The following ERF variants were observed in gnomAD, a reference collection of about 807,000 sequenced individuals.
ERF encodes the protein ETS2 repressor factor.
ERF carries 10 observed loss-of-function variants against 41.6 expected under a neutral mutation model. The ratio of observed to expected loss-of-function variants is 0.24; its 90% CI spans 0.15 to 0.41. The LOEUF (loss-of-function observed/expected upper bound fraction) is 0.41, where lower values mean the gene tolerates loss of function less well. Among genes scored for constraint, ERF ranks in the 10% least tolerant of loss-of-function variants. ERF has a pLI of 1.00. For missense variants in ERF, 621 were observed against 763.2 expected, an observed-to-expected ratio of 0.81 and a Z score of 2.19; for synonymous variants, 395 against 342.4, an observed-to-expected ratio of 1.15 and a Z score of -1.70.
rs746757331 is a variant in ERF, at chr19:42,250,411, G to A, written c.177C>T (p.Asp59=). Reference sequence around the variant, plus strand: ...CCCACAGCCGGGCCACCTCATCAGGGTCTTTGATGACGAATTCCCCGTAGT... The same window carrying A: ...CCCACAGCCGGGCCACCTCATCAGGATCTTTGATGACGAATTCCCCGTAGT... The part of the protein sequence containing the change: ...QGDYGEFVIK[D]PDEVARLWGV... Residue 59 remains aspartate (D), a synonymous_variant, in exon 2 of 4, where the codon GAC becomes GAT. Coordinates refer to ENST00000222329, the MANE Select transcript of ERF (RefSeq NM_006494.4). The surrounding 1 kb of genome is among the most constrained non-coding windows in gnomAD (Gnocchi z 5.1). 13 of 1,613,672 alleles carry A rather than the reference G, an allele frequency of 8.1e-6. No individual in the cohort carries two copies. The highest frequency in any genetic ancestry group is 1.1e-5 in the Non-Finnish European group (13 of 1,180,048).
chr19:42,249,249 G>A lies in ERF; in HGVS notation c.863C>T (p.Pro288Leu). 1.2e-6 allele frequency: 2 copies of A among 1,612,708 alleles called. No individual in the cohort carries two copies. The highest frequency in any genetic ancestry group is 1.1e-5 in the South Asian group (1 of 90,968). ...TPSPTLSPMY[P>L]SGGGGPSGSG... ...GCCGCTGGGCCCCCCGCCACCACTGGGGTACATCGGGCTCAGCGTGGGCGA... is the reference window on the plus strand; with the variant it reads ...GCCGCTGGGCCCCCCGCCACCACTGAGGTACATCGGGCTCAGCGTGGGCGA... Residue 288 changes from proline to leucine, a missense_variant, in exon 4 of 4, where the codon CCC (proline) becomes CTC (leucine). This residue lies in a region of ERF where 569 missense variants were observed against 625.5 expected (regional missense o/e 0.91). Transcript: ENST00000222329. This position sits in a 1 kb window ranked among gnomAD's most constrained non-coding sequence, Gnocchi z 8.6.
rs2036425520 is a variant in ERF, at chr19:42,250,429, C to T, written c.159G>A (p.Gly53=). 1 of 1,613,704 alleles carries T rather than the reference C, an allele frequency of 6.2e-7. No homozygotes were observed. The highest frequency in any genetic ancestry group is 8.5e-7 in the Non-Finnish European group (1 of 1,180,042). The change falls in exon 2 of 4, where the codon GGG becomes GGA. Residue 53 remains glycine (G), a synonymous_variant. Coordinates refer to ENST00000222329, the MANE Select transcript of ERF (RefSeq NM_006494.4). This position sits in a 1 kb window ranked among gnomAD's most constrained non-coding sequence, Gnocchi z 5.1. ...QGVIAWQGDY[G]EFVIKDPDEV... ...CATCAGGGTCTTTGATGACGAATTCCCCGTAGTCCCCCTGCCAGGCAATGA... is the reference window on the plus strand; with the variant it reads ...CATCAGGGTCTTTGATGACGAATTCTCCGTAGTCCCCCTGCCAGGCAATGA...
At position 42,248,926 on chromosome 19, in the gene ERF, C is replaced by G; in HGVS notation, c.1186G>C (p.Val396Leu). Residue 396 changes from valine to leucine, a missense_variant, in exon 4 of 4, where the codon GTA (valine) becomes CTA (leucine). Physicochemically the swap from Val to Leu is conservative, Grantham distance 32 (BLOSUM62 1). Coordinates refer to ENST00000222329, the MANE Select transcript of ERF (RefSeq NM_006494.4). This position sits in a 1 kb window ranked among gnomAD's most constrained non-coding sequence, Gnocchi z 4.2. ...RRQRAAGEKA[V>L]AGADKSGGSA... ...CCACCGCTCTTGTCAGCACCGGCTA[C>G]GGCCTTCTCCCCAGCTGCCCGCTGC... is the stretch of plus-strand genomic sequence containing the variant. 1.2e-6 allele frequency: 2 copies of G among 1,606,850 alleles called. No homozygotes were observed. Among genetic ancestry groups the G allele is most frequent in the Non-Finnish European group, 1.7e-6 (2 of 1,179,676 alleles).
intron 1 of ERF, 26 bp downstream of exon 1, chr19:42,254,952 C>T (rs2036509041): frequency 1.3e-6 from 2 of 1,512,442 alleles, no homozygotes; most frequent in Non-Finnish European, 1.8e-6. Flanking sequence ...ACAAGTCTCC[C>T]CCACACGTGC....
chr19:42,252,584 A>C lies in ERF; in HGVS notation c.23-2019T>G, dbSNP rs370244646. On this transcript the variant is annotated intron_variant, in intron 1 of 3. Coordinates refer to ENST00000222329, the MANE Select transcript of ERF (RefSeq NM_006494.4). ...GGGAGCTGTCCCAGGCCCCCTTGTTAAACCCCTTCCCTGAGCAACCCCTCC... is the reference window on the plus strand; with the variant it reads ...GGGAGCTGTCCCAGGCCCCCTTGTTCAACCCCTTCCCTGAGCAACCCCTCC... Among the ~76,000 whole-genome samples the C allele has an allele frequency of 5.3e-5, 8 of 152,238 alleles. 1 individual carries two copies. The highest frequency in any genetic ancestry group is 1.9e-4 in the African/African-American group (8 of 41,546).
chr19:42,253,622 T>G (rs1224573253), intron 1 of ERF, among the ~76,000 whole-genome samples: 3 of 150,102 alleles, frequency 2.0e-5, no homozygotes, highest in Non-Finnish European at 3.0e-5. Context: ...GCCGGGGGAG[T>G]GTGTAGGACG....
At position 42,250,649 on chromosome 19, in the gene ERF, C is replaced by T; in HGVS notation, c.23-84G>A. The stretch of plus-strand genomic sequence containing the variant: ...TCCCATCCCAGGGTCCACCTCTGCC[C>T]TGCCTTCAACATGGGGAAATCTGTC... On this transcript the variant is annotated intron_variant, in intron 1 of 3. Transcript: ENST00000222329. This position sits in a 1 kb window ranked among gnomAD's most constrained non-coding sequence, Gnocchi z 5.1. 2 of 1,315,100 alleles carry T rather than the reference C, an allele frequency of 1.5e-6. No individual in the cohort carries two copies. Among genetic ancestry groups the T allele is most frequent in the Non-Finnish European group, 2.1e-6 (2 of 950,470 alleles). 81.5% of individuals were successfully genotyped at this position (1,315,100 alleles called of 1,614,324 possible).
Position 42,250,672 on chromosome 19 carries a change from G to A in ERF, c.23-107C>T, listed in dbSNP as rs1014194399. 6.2e-5 allele frequency: 66 copies of A among 1,072,364 alleles called. No individual in the cohort carries two copies. The Middle Eastern group carries it at 1.8e-3, about 30-fold the overall frequency. 66.4% of individuals were successfully genotyped at this position (1,072,364 alleles called of 1,614,324 possible). On this transcript the variant is annotated intron_variant, in intron 1 of 3. Transcript: ENST00000222329. The surrounding 1 kb of genome is among the most constrained non-coding windows in gnomAD (Gnocchi z 5.1). ...CCCTGCCTTCAACATGGGGAAATCT[G>A]TCTCACCTCAGCCAAGTCAAGATCT...
Position 42,249,161 on chromosome 19 carries a change from G to T in ERF, c.951C>A (p.His317Gln). The T allele has an allele frequency of 6.2e-7, 1 of 1,613,920 alleles. No homozygotes were observed. Among genetic ancestry groups the T allele is most frequent in the Non-Finnish European group, 8.5e-7 (1 of 1,179,918 alleles). The change falls in exon 4 of 4, where the codon CAC becomes CAA. Residue 317 changes from histidine (H) to glutamine (Q), a missense_variant. His to Gln is a conservative substitution (Grantham distance 24). Coordinates refer to ENST00000222329, the MANE Select transcript of ERF (RefSeq NM_006494.4). The surrounding 1 kb of genome is among the most constrained non-coding windows in gnomAD (Gnocchi z 8.6). Reference sequence around the variant, plus strand: ...GGTGGTAGTTGTAGACGCTTTGGGTGTGGGCCTGCAGGTACCGTTTCATGT... The same window carrying T: ...GGTGGTAGTTGTAGACGCTTTGGGTTTGGGCCTGCAGGTACCGTTTCATGT... ...PEDMKRYLQA[H>Q]TQSVYNYHLS...
rs376779346 is a variant in ERF at position 42,250,286 on chromosome 19, G to A, written c.257+45C>T. On this transcript the variant is annotated intron_variant, in intron 2 of 3. Transcript: ENST00000222329. The surrounding 1 kb of genome is among the most constrained non-coding windows in gnomAD (Gnocchi z 5.1). Reference sequence around the variant, plus strand: ...ACAGGCAAGGGGCTGTGCAACCCCGGGGGGGCACTCCACATGTGCTCAGGG... The same window carrying A: ...ACAGGCAAGGGGCTGTGCAACCCCGAGGGGGCACTCCACATGTGCTCAGGG... 5.0e-5 allele frequency: 80 copies of A among 1,595,226 alleles called. No homozygotes were observed. The African/African-American group carries it at 7.2e-4, about 14-fold the overall frequency.
Position 42,249,002 on chromosome 19 carries a change from A to G in ERF, c.1110T>C (p.Ser370=). The change falls in exon 4 of 4, where the codon TCT becomes TCC. Residue 370 remains serine (S), a synonymous_variant. Transcript: ENST00000222329. This position sits in a 1 kb window ranked among gnomAD's most constrained non-coding sequence, Gnocchi z 8.6. ...VPSSASSSSS[S]SSSPFKFKLQ... is the part of the protein sequence containing the mutation. ...GCTTAAACTTGAATGGGGAGGAAGAAGAAGAAGAGGATGACGAGGCCGAGG... is the reference window on the plus strand; with the variant it reads ...GCTTAAACTTGAATGGGGAGGAAGAGGAAGAAGAGGATGACGAGGCCGAGG... 6.2e-7 allele frequency: 1 copy of G among 1,609,726 alleles called. No individual in the cohort carries two copies. Among genetic ancestry groups the G allele is most frequent in the South Asian group, 1.1e-5 (1 of 91,018 alleles).
At chr19:42,254,706 G>A (rs2036505472) in intron 1 of ERF, 1 of 349,340 alleles carries the variant, frequency 2.9e-6, no homozygotes, top group Non-Finnish European at 5.2e-6. Flanking sequence ...GTGATCCCGG[G>A]AGTGGGGGAG....
intron 1 of ERF, chr19:42,253,998 T>A: frequency 1.1e-6 from 1 of 940,570 alleles, no homozygotes; most frequent in Non-Finnish European, 1.3e-6. Flanking sequence ...CTGGGACCCC[T>A]CCCCCTGCGC....
Position 42,249,131 on chromosome 19 carries a change from G to A in ERF, c.981C>T (p.Ser327=), listed in dbSNP as rs61735151. ...CAGGGTAGTGCAGGAAGGCGCGGGG[G>A]CTGAGGTGGTAGTTGTAGACGCTTT... The part of the protein sequence containing the change: ...HTQSVYNYHL[S]PRAFLHYPGL... Residue 327 remains serine (S), a synonymous_variant, in exon 4 of 4, where the codon AGC becomes AGT. Coordinates refer to ENST00000222329, the MANE Select transcript of ERF (RefSeq NM_006494.4). This position sits in a 1 kb window ranked among gnomAD's most constrained non-coding sequence, Gnocchi z 8.6. 117,982 of 1,613,790 alleles carry A rather than the reference G, an allele frequency of 0.073. 5,334 individuals are homozygous for A. The highest frequency in any genetic ancestry group is 0.18 in the South Asian group (16,384 of 91,082).
At position 42,248,774 on chromosome 19, in the gene ERF, C is replaced by G. The variant is rs747308083; in HGVS notation, c.1338G>C (p.Glu446Asp). The G allele has an allele frequency of 2.5e-6, 4 of 1,613,446 alleles. No homozygotes were observed. The highest frequency in any genetic ancestry group is 1.3e-5 in the African/African-American group (1 of 74,920). ...TGAACACCTCCCCGTCTTCCTCATC[C>G]TCATCACTGATGTCAGTCACCTCTA... ...EEVEVTDISD[E>D]DEEDGEVFKT... The change falls in exon 4 of 4, where the codon GAG becomes GAC. Residue 446 changes from glutamate to aspartate, a missense_variant. Physicochemically the swap from Glu to Asp is conservative, Grantham distance 45. Transcript: ENST00000222329. The surrounding 1 kb of genome is among the most constrained non-coding windows in gnomAD (Gnocchi z 4.2).
chr19:42,250,266 C>CAAGG lies in ERF; in HGVS notation c.257+61_257+64dup. The CAAGG allele has an allele frequency of 6.4e-7, 1 of 1,557,716 alleles. No homozygotes were observed. The highest frequency in any genetic ancestry group is 8.8e-7 in the Non-Finnish European group (1 of 1,142,186). On this transcript the variant is annotated intron_variant, in intron 2 of 3. Coordinates refer to ENST00000222329, the MANE Select transcript of ERF (RefSeq NM_006494.4). This position sits in a 1 kb window ranked among gnomAD's most constrained non-coding sequence, Gnocchi z 5.1. ...CAGACCCAATGCTTGTTCCCACAGG[C>CAAGG]AAGGGGCTGTGCAACCCCGGGGGGG...
intron 1 of ERF, chr19:42,254,750 G>A (rs1434619418): frequency 2.3e-6 from 1 of 442,308 alleles, no homozygotes; most frequent in Non-Finnish European, 4.0e-6. Context: ...AGGGATACAG[G>A]ACCAAGACCC....
intron 1 of ERF, chr19:42,253,783 A>C: frequency 1.6e-6 from 1 of 630,434 alleles, no homozygotes; most frequent in Non-Finnish European, 1.9e-6. Context: ...TGGGGATGGG[A>C]ATGGGGTGGG....
Position 42,250,191 on chromosome 19 carries a change from G to T in ERF, c.257+140C>A. On this transcript the variant is annotated intron_variant, in intron 2 of 3. Coordinates refer to ENST00000222329, the MANE Select transcript of ERF (RefSeq NM_006494.4). This position sits in a 1 kb window ranked among gnomAD's most constrained non-coding sequence, Gnocchi z 5.1. ...GTGTTACCAAGGGGCTCAGGGAAGG[G>T]CTGGGAGTGGCCCAAGGTCACACAG... The T allele has an allele frequency of 1.0e-6, 1 of 955,104 alleles. No homozygotes were observed. The highest frequency in any genetic ancestry group is 1.6e-6 in the Non-Finnish European group (1 of 639,414). The allele number at this position is 955,104 out of a possible 1,614,324, so 59.2% of individuals were successfully genotyped here. A position where few individuals can be genotyped will look rare whatever the true frequency, so the allele number is the denominator to read the frequency against.
Sources: gnomAD v4.1 joint callset for allele counts (sites outside exome capture counted in the v4.1 genomes callset) on GRCh38, gnomAD v4.1.1 for gene constraint, gnomAD v4.1.1 regional missense constraint, Gnocchi (gnomAD v3.1) non-coding constraint, MANE v1.5 for transcripts, NCBI Gene and HGNC (gene_info 2026-07-23, HGNC 2026-07-21) for gene names.